Variants in ZMYM4 observed in about 807,000 individuals in gnomAD.
ZMYM4 encodes the protein zinc finger MYM-type containing 4.
Under a neutral mutation model 183.2 loss-of-function variants are expected in ZMYM4, and 31 were observed. The observed-to-expected ratio is 0.17, with a 90% CI of 0.13 to 0.23. The LOEUF is 0.23. Ranked by LOEUF, ZMYM4 falls within the 10% of genes least tolerant of loss-of-function variation. The pLI, the probability that ZMYM4 is intolerant of heterozygous loss-of-function variation, is 1.00. For missense variants in ZMYM4, 1,273 were observed against 1,840.3 expected, an observed-to-expected ratio of 0.69 and a Z score of 5.64; for synonymous variants, 592 against 631.2, an observed-to-expected ratio of 0.94 and a Z score of 0.93.
intron 7 of ZMYM4, among the ~76,000 whole-genome samples, chr1:35,372,348 A>G (rs1239837717): frequency 6.6e-6 from 1 of 152,202 alleles, no homozygotes; most frequent in Non-Finnish European, 1.5e-5. Flanking sequence ...TTAAAAATTT[A>G]TTTCATTAGA....
chr1:35,374,636 C>A (rs578182468), intron 7 of ZMYM4, among the ~76,000 whole-genome samples: 4 of 150,272 alleles, frequency 2.7e-5, no homozygotes, highest in Admixed American at 2.6e-4. Context: ...CCTGGTCCCC[C>A]CCAGCTCCTA....
In ZMYM4 at chr1:35,405,443, A is replaced by C; in HGVS notation, c.3771A>C (p.Gln1257His). The C allele has an allele frequency of 1.2e-6, 2 of 1,612,194 alleles. No homozygotes were observed. Among genetic ancestry groups the C allele is most frequent in the Non-Finnish European group, 1.7e-6 (2 of 1,179,216 alleles). Residue 1257 changes from glutamine (Q) to histidine (H), a missense_variant, in exon 25 of 30, where the codon CAA becomes CAC. Transcript: ENST00000314607. The part of the protein sequence containing the change: ...LGSTQDHALS[Q>H]ESSEPGCRVR... ...GTACTCAAGACCATGCACTCTCTCA[A>C]GAATCCTCAGAGCCAGGCTGTAGAG...
chr1:35,303,287 CAAAA>C (rs768765815), intron 1 of ZMYM4, among the ~76,000 whole-genome samples: 6 of 70,984 alleles, frequency 8.5e-5, no homozygotes, highest in Non-Finnish European at 6.4e-5. Context: ...TACCTTGTCT[CAAAA>C]AAAAAAAAAA....
rs1644128078 is a variant in ZMYM4, at chr1:35,368,017, T to TA, written c.841-2010dup. The stretch of plus-strand genomic sequence containing the variant: ...CAAAATGAGTAAATTCCAAATGGAC[T>TA]AAGGCAGGGGTTGGCAAATTATCAG... On this transcript the variant is annotated intron_variant, in intron 5 of 29. Coordinates refer to ENST00000314607, the MANE Select transcript of ZMYM4 (RefSeq NM_005095.3). 2.0e-5 allele frequency among the ~76,000 whole-genome samples: 3 copies of TA among 151,532 alleles called. No individual in the cohort carries two copies. In the South Asian group the frequency reaches 6.3e-4, roughly 32 times the overall value.
intron 7 of ZMYM4, among the ~76,000 whole-genome samples, chr1:35,373,229 T>A (rs1310175416): frequency 6.7e-6 from 1 of 149,538 alleles, no homozygotes; most frequent in Non-Finnish European, 1.5e-5. Flanking sequence ...TAAATAAATA[T>A]ATATATATGC....
intron 7 of ZMYM4, 155 bp downstream of exon 7, chr1:35,370,782 A>C: frequency 1.2e-6 from 1 of 861,598 alleles, no homozygotes; most frequent in Non-Finnish European, 1.5e-6. Flanking sequence ...GTCTGCTTTC[A>C]GTTGTTGCTT....
In ZMYM4 at chr1:35,359,128, T is replaced by A. The variant is rs1205815438; in HGVS notation, c.289T>A (p.Ser97Thr). ...SDNEDEQDFS[S>T]KDNLVSSIHT... ...CAATGAGGATGAACAGGATTTTAGT[T>A]CAAAGGACAATCTTGTTTCTTCAAT... Residue 97 changes from serine to threonine, a missense_variant, in exon 3 of 30, where the codon TCA (serine) becomes ACA (threonine). Ser to Thr is a moderately conservative substitution (Grantham distance 58, BLOSUM62 1). This residue lies in a region of ZMYM4 where 384 missense variants were observed against 465.6 expected (regional missense o/e 0.82). Transcript: ENST00000314607. 3 of 1,613,658 alleles carry A rather than the reference T, an allele frequency of 1.9e-6. No homozygotes were observed. The highest frequency in any genetic ancestry group is 1.1e-5 in the South Asian group (1 of 91,066).
intron 7 of ZMYM4, among the ~76,000 whole-genome samples, chr1:35,377,726 C>T (rs566395795): frequency 2.0e-5 from 3 of 152,266 alleles, no homozygotes; most frequent in African/African-American, 7.2e-5. Flanking sequence ...TTCAGTGAGT[C>T]ATAATCTTAT....
At chr1:35,297,994 A>G (rs1236391824) in intron 1 of ZMYM4, among the ~76,000 whole-genome samples, 1 of 152,246 alleles carries the variant, frequency 6.6e-6, no homozygotes, top group Non-Finnish European at 1.5e-5. Flanking sequence ...AGAGAATGCT[A>G]AAGATACAGA....
At chr1:35,397,266 A>T in intron 19 of ZMYM4, 111 bp from the exon 20 acceptor site, 1 of 1,246,480 alleles carries the variant, frequency 8.0e-7, no homozygotes, top group Non-Finnish European at 1.1e-6. Flanking sequence ...TCAGCAATGA[A>T]TATACCTTAA....
Position 35,276,025 on chromosome 1 carries a change from A to T in ZMYM4, c.39+6940A>T, listed in dbSNP as rs933951946. ...TTTAATTAGCTGCCTTTGACCAAAG[A>T]TAGTCCTTTTTTTTGTTTTGTTTTG... is the stretch of plus-strand genomic sequence containing the variant. On this transcript the variant is annotated intron_variant, in intron 1 of 29. Transcript: ENST00000314607. Among the ~76,000 whole-genome samples the T allele has an allele frequency of 5.9e-5, 9 of 152,134 alleles. 1 individual carries two copies. The highest frequency in any genetic ancestry group is 7.4e-5 in the Non-Finnish European group (5 of 68,024).
rs1644832105 is a variant in ZMYM4, at chr1:35,397,592, C to T, written c.3199+47C>T. On this transcript the variant is annotated intron_variant, in intron 20 of 29. Transcript: ENST00000314607. ...AAAGAAAGAAAAAACACGTTTTACA[C>T]ATTTTCAGGTGACTCAAGTAATTTT... 2.0e-6 allele frequency: 3 copies of T among 1,494,644 alleles called. No homozygotes were observed. The South Asian group carries it at 4.2e-5, about 21-fold the overall frequency. The allele number at this position is 1,494,644 out of a possible 1,614,324, so 92.6% of individuals were successfully genotyped here.
chr1:35,366,484 C>G (rs1328168906), intron 5 of ZMYM4, among the ~76,000 whole-genome samples: 1 of 152,068 alleles, frequency 6.6e-6, no homozygotes, highest in African/African-American at 2.4e-5. Context: ...AAAATTATCA[C>G]TTGCTATTAA....
In ZMYM4 at chr1:35,398,902, G is replaced by A. The variant is rs1230478154; in HGVS notation, c.3292G>A (p.Ala1098Thr). 1.9e-6 allele frequency: 3 copies of A among 1,613,962 alleles called. No homozygotes were observed. Among genetic ancestry groups the A allele is most frequent in the African/African-American group, 2.7e-5 (2 of 74,920 alleles). The change falls in exon 22 of 30, where the codon GCA becomes ACA. Residue 1098 changes from alanine (A) to threonine (T), a missense_variant. Coordinates refer to ENST00000314607, the MANE Select transcript of ZMYM4 (RefSeq NM_005095.3). ...ATACAGTGGTGATCTTGAATCAGAGGCAGTATCTACTCCACATAGCTGGGA... is the reference window on the plus strand; with the variant it reads ...ATACAGTGGTGATCTTGAATCAGAGACAGTATCTACTCCACATAGCTGGGA... ...STYSGDLESE[A>T]VSTPHSWEEE... is the part of the protein sequence containing the mutation.
chr1:35,280,945 C>G (rs1490042260), intron 1 of ZMYM4, among the ~76,000 whole-genome samples: 1 of 152,146 alleles, frequency 6.6e-6, no homozygotes, highest in African/African-American at 2.4e-5. Flanking sequence ...ACATGGTCTT[C>G]AAGGTCGGCA....
chr1:35,302,784 G>A (rs1054340440), intron 1 of ZMYM4, among the ~76,000 whole-genome samples: 1 of 151,828 alleles, frequency 6.6e-6, no homozygotes, highest in East Asian at 1.9e-4. Context: ...ACCTCCTAAA[G>A]TGCTGGGATT....
rs532200135 is a variant in ZMYM4, at chr1:35,419,865, A to G, written c.*188A>G. On this transcript the variant is annotated 3_prime_UTR_variant, in exon 30 of 30. Transcript: ENST00000314607. ...AAATTGAAGGAAAGAATATGAACTGAGAAATGTTCTTTGGCAGTGATATAG... is the reference window on the plus strand; with the variant it reads ...AAATTGAAGGAAAGAATATGAACTGGGAAATGTTCTTTGGCAGTGATATAG... 1.1e-5 allele frequency: 7 copies of G among 610,182 alleles called. No homozygotes were observed. In the South Asian group the frequency reaches 1.4e-4, roughly 12 times the overall value. 37.8% of individuals were successfully genotyped at this position (610,182 alleles called of 1,614,324 possible).
At chr1:35,363,525 A>C (rs1643995193) in intron 5 of ZMYM4, among the ~76,000 whole-genome samples, 1 of 152,168 alleles carries the variant, frequency 6.6e-6, no homozygotes, top group African/African-American at 2.4e-5. Context: ...GAGATTGCAG[A>C]GGTTGGTGAT....
At chr1:35,296,226 G>C (rs1192670064) in intron 1 of ZMYM4, among the ~76,000 whole-genome samples, 1 of 152,174 alleles carries the variant, frequency 6.6e-6, no homozygotes, top group Non-Finnish European at 1.5e-5. Context: ...AGGTGTGCAG[G>C]TTGCAGAGGA....
Sources: gnomAD v4.1 joint callset for allele counts (sites outside exome capture counted in the v4.1 genomes callset) on GRCh38, gnomAD v4.1.1 for gene constraint, gnomAD v4.1.1 regional missense constraint, MANE v1.5 for transcripts, NCBI Gene and HGNC (gene_info 2026-07-23, HGNC 2026-07-21) for gene names.